NRXN3: variants seen among roughly 807,000 people sequenced by gnomAD.
NRXN3 encodes the protein neurexin 3.
In NRXN3, 32 loss-of-function variants were observed where a neutral mutation model predicts 137.6. That is an observed-to-expected ratio of 0.23 (90% CI 0.18 to 0.31). NRXN3 has a LOEUF of 0.31. NRXN3 is among the 10% of genes least tolerant of loss of function. NRXN3 has a pLI of 1.00. For missense variants in NRXN3, 1,574 were observed against 2,062.5 expected (o/e 0.76, Z 4.59); for synonymous variants, 798 against 784.5 (o/e 1.02, Z -0.29).
At chr14:79,699,092 G>T (rs1404014842) in intron 19 of NRXN3, among the ~76,000 whole-genome samples, 1 of 151,828 alleles carries the variant, frequency 6.6e-6, no homozygotes, top group African/African-American at 2.4e-5. Context: ...TGTCATAAGG[G>T]CAATTTTATC....
intron 15 of NRXN3, among the ~76,000 whole-genome samples, chr14:79,122,214 G>A (rs1031714249): frequency 6.6e-6 from 1 of 152,172 alleles, no homozygotes; most frequent in South Asian, 2.1e-4. Flanking sequence ...TTTTCCAGGG[G>A]CTTGGGGCAC....
intron 20 of NRXN3, among the ~76,000 whole-genome samples, chr14:79,859,733 C>T (rs904376525): frequency 1.3e-5 from 2 of 152,148 alleles, no homozygotes; most frequent in Non-Finnish European, 2.9e-5. Context: ...GACACACGTA[C>T]GTGGTACCAG....
intron 4 of NRXN3, among the ~76,000 whole-genome samples, chr14:78,522,727 A>G (rs1324594384): frequency 6.6e-6 from 1 of 152,106 alleles, no homozygotes; most frequent in African/African-American, 2.4e-5. Flanking sequence ...TTTATTTTTA[A>G]TGTTTTCAAG....
intron 15 of NRXN3, among the ~76,000 whole-genome samples, chr14:79,062,390 C>G (rs886512292): frequency 2.0e-5 from 3 of 152,042 alleles, no homozygotes; most frequent in African/African-American, 4.8e-5. Flanking sequence ...CTATGACTGC[C>G]CTTAAGACTG....
chr14:78,815,471 G>GTTTC (rs2098929138), intron 10 of NRXN3, among the ~76,000 whole-genome samples: 2 of 44,798 alleles, frequency 4.5e-5, no homozygotes, highest in Non-Finnish European at 1.0e-4. Context: ...TGGATAATTT[G>GTTTC]TTTCTTTCTT....
chr14:78,428,552 G>T (rs1459252470), intron 4 of NRXN3, among the ~76,000 whole-genome samples: 1 of 152,160 alleles, frequency 6.6e-6, no homozygotes, highest in Non-Finnish European at 1.5e-5. Flanking sequence ...AGGGAGAGGG[G>T]AGAGAGACAG....
intron 15 of NRXN3, among the ~76,000 whole-genome samples, chr14:79,145,897 C>T (rs1046407191): frequency 6.6e-6 from 1 of 152,164 alleles, no homozygotes; most frequent in Non-Finnish European, 1.5e-5. Context: ...CTAGTTACCT[C>T]TATAAACTAG....
At chr14:78,576,048 TG>T (rs2096932726) in intron 4 of NRXN3, among the ~76,000 whole-genome samples, 1 of 152,204 alleles carries the variant, frequency 6.6e-6, no homozygotes, top group Non-Finnish European at 1.5e-5. Flanking sequence ...GAAGTAAAAA[TG>T]TCAGTTTTCA....
intron 4 of NRXN3, among the ~76,000 whole-genome samples, chr14:78,326,884 C>G (rs1050831001): frequency 4.7e-5 from 7 of 149,074 alleles, no homozygotes; most frequent in Non-Finnish European, 8.9e-5. Context: ...TCCAGTTAGT[C>G]TGCTTACTCA....
intron 4 of NRXN3, among the ~76,000 whole-genome samples, chr14:78,353,842 T>C (rs181467109): frequency 3.1e-4 from 47 of 152,272 alleles, no homozygotes; most frequent in Admixed American, 1.3e-3. Context: ...AGTCCTGAAC[T>C]TCTGGTTCCT....
chr14:79,219,208 G>A lies in NRXN3; in HGVS notation c.3262+231067G>A, dbSNP rs1418051725. The stretch of plus-strand genomic sequence containing the variant: ...CATGATCATAGCTCACTGTAATCTC[G>A]AACTCCTGCACTCAAACAATCCTCC... On this transcript the variant is annotated intron_variant, in intron 15 of 20. Transcript: ENST00000335750. Among the ~76,000 whole-genome samples, 15 of 152,202 alleles carry A rather than the reference G, an allele frequency of 9.9e-5. No individual in the cohort carries two copies. The South Asian group carries it at 2.9e-3, about 29-fold the overall frequency.
At chr14:79,314,425 A>G (rs1273303077) in intron 15 of NRXN3, among the ~76,000 whole-genome samples, 26 of 27,956 alleles carry the variant, frequency 9.3e-4, no homozygotes, top group Non-Finnish European at 1.6e-3. Flanking sequence ...CGCCCACGGA[A>G]TCTCGCTGAT....
At chr14:79,808,641 T>C (rs986529262) in intron 20 of NRXN3, among the ~76,000 whole-genome samples, 7 of 152,150 alleles carry the variant, frequency 4.6e-5, no homozygotes, top group Non-Finnish European at 1.5e-5. Flanking sequence ...TATTATTTTC[T>C]AGCTGTCTCC....
chr14:79,161,315 G>A (rs1009034038), intron 15 of NRXN3, among the ~76,000 whole-genome samples: 2 of 151,910 alleles, frequency 1.3e-5, no homozygotes, highest in Admixed American at 1.3e-4. Context: ...GATACTTGGA[G>A]AAGTTTATAC....
At chr14:78,448,373 A>T (rs1598801861) in intron 4 of NRXN3, among the ~76,000 whole-genome samples, 1 of 152,204 alleles carries the variant, frequency 6.6e-6, no homozygotes, top group Non-Finnish European at 1.5e-5. Context: ...GCGTTGCTGG[A>T]GGAGGTGACT....
At position 79,132,225 on chromosome 14, in the gene NRXN3, T is replaced by A. The variant is rs563686994; in HGVS notation, c.3262+144084T>A. The stretch of plus-strand genomic sequence containing the variant: ...TCCAACTTAAACTTAACTTTAAAAA[T>A]TGATATTCAATTCAGTCACTGGAAG... On this transcript the variant is annotated intron_variant, in intron 15 of 20. Coordinates refer to ENST00000335750, the MANE Select transcript of NRXN3 (RefSeq NM_001330195.2). Among the ~76,000 whole-genome samples the A allele has an allele frequency of 2.0e-5, 3 of 152,362 alleles. No individual in the cohort carries two copies. In the South Asian group the frequency reaches 6.2e-4, roughly 32 times the overall value.
intron 15 of NRXN3, among the ~76,000 whole-genome samples, chr14:79,289,492 C>T (rs1040896125): frequency 9.2e-5 from 14 of 152,032 alleles, no homozygotes; most frequent in African/African-American, 1.9e-4. Flanking sequence ...TGGTGGCATA[C>T]GCCTGTAATC....
intron 16 of NRXN3, chr14:79,661,541 A>G (rs2098533766): frequency 6.6e-6 from 1 of 152,176 alleles, no homozygotes; most frequent in Non-Finnish European, 1.5e-5. Flanking sequence ...CAAACTATAT[A>G]TAGAAACCAG....
chr14:78,658,126 T>C (rs1420931055), intron 6 of NRXN3, among the ~76,000 whole-genome samples: 1 of 152,214 alleles, frequency 6.6e-6, no homozygotes, highest in Non-Finnish European at 1.5e-5. Context: ...AATATTCCTT[T>C]TTCCTGTCAT....
Sources: allele counts gnomAD v4.1 joint callset (sites outside exome capture counted in the v4.1 genomes callset), GRCh38; gene constraint gnomAD v4.1.1; transcripts MANE v1.5; gene names NCBI Gene and HGNC (gene_info 2026-07-23, HGNC 2026-07-21).